Variants in HYCC2 observed in about 807,000 individuals in gnomAD.
The protein encoded by HYCC2 is hyccin 2.
At chr2:201,045,239 C>T in the HYCC2 span, among the ~76,000 whole-genome samples, 4 of 151,812 alleles carry the variant, frequency 2.6e-5, no homozygotes, top group African/African-American at 4.8e-5. Flanking sequence ...TAGATGTAGC[C>T]GGATAATGCA....
chr2:201,028,665 C>G, the HYCC2 span, among the ~76,000 whole-genome samples: 1 of 151,842 alleles, frequency 6.6e-6, no homozygotes, highest in Non-Finnish European at 1.5e-5. Context: ...CACCACACAT[C>G]TACAACCATC....
the HYCC2 span, among the ~76,000 whole-genome samples, chr2:201,032,960 A>C: frequency 6.6e-6 from 1 of 152,120 alleles, no homozygotes; most frequent in African/African-American, 2.4e-5. Context: ...GTTTAAATCA[A>C]GAAGTCTATG....
At chr2:201,044,591 G>A in the HYCC2 span, among the ~76,000 whole-genome samples, 6 of 152,160 alleles carry the variant, frequency 3.9e-5, no homozygotes, top group Non-Finnish European at 8.8e-5. Context: ...CTTATAAAAT[G>A]AGAATAATGC....
chr2:201,069,586 A>G, the HYCC2 span, among the ~76,000 whole-genome samples: 5 of 140,994 alleles, frequency 3.5e-5, no homozygotes, highest in African/African-American at 1.3e-4. Flanking sequence ...ACACACACAC[A>G]CACGCATAAA....
chr2:201,041,088 T>C, the HYCC2 span, among the ~76,000 whole-genome samples: 1 of 152,218 alleles, frequency 6.6e-6, no homozygotes, highest in East Asian at 1.9e-4. Flanking sequence ...ATAGTTTTTG[T>C]ATACTTAGAA....
chr2:200,986,327 T>G, the HYCC2 span, among the ~76,000 whole-genome samples: 1 of 152,256 alleles, frequency 6.6e-6, no homozygotes, highest in African/African-American at 2.4e-5. Flanking sequence ...GAGTTCCCTA[T>G]GGTGGAAATT....
chr2:201,022,956 A>G, the HYCC2 span: 1 of 1,459,908 alleles, frequency 6.8e-7, no homozygotes, highest in Non-Finnish European at 9.5e-7. Flanking sequence ...CCAAAGGAAA[A>G]CAAAAGTGAA....
chr2:200,988,023 A>C, the HYCC2 span, among the ~76,000 whole-genome samples: 1 of 152,218 alleles, frequency 6.6e-6, no homozygotes, highest in Non-Finnish European at 1.5e-5. Context: ...GTTCAAAAAA[A>C]GACAAAATTT....
the HYCC2 span, chr2:200,974,902 CTT>C: frequency 6.6e-6 from 1 of 151,898 alleles, no homozygotes; most frequent in African/African-American, 2.4e-5. Flanking sequence ...ATTTAACAAA[CTT>C]TACCAGTTTA....
chr2:200,993,015 C>T, the HYCC2 span: 20 of 1,476,624 alleles, frequency 1.4e-5, no homozygotes, highest in African/African-American at 1.5e-4. Flanking sequence ...TAGGAAAATA[C>T]ACTATTTAAC....
chr2:200,984,047 TA>T, the HYCC2 span, among the ~76,000 whole-genome samples: 4 of 152,192 alleles, frequency 2.6e-5, no homozygotes, highest in Middle Eastern at 3.4e-3. Context: ...TTATTTTTAT[TA>T]TTTTTTTTTG....
the HYCC2 span, among the ~76,000 whole-genome samples, chr2:201,054,291 T>C: frequency 1.3e-5 from 2 of 152,254 alleles, no homozygotes; most frequent in South Asian, 2.1e-4. Context: ...TCATTCCATA[T>C]GCCTTTCGCT....
At chr2:201,063,983 C>T in the HYCC2 span, 11 of 1,597,646 alleles carry the variant, frequency 6.9e-6, no homozygotes, top group Non-Finnish European at 8.5e-6. Flanking sequence ...CTTTGCAAAA[C>T]CACGAAACTA....
the HYCC2 span, chr2:200,981,756 AGAG>A: frequency 6.2e-7 from 1 of 1,614,154 alleles, no homozygotes; most frequent in East Asian, 2.2e-5. The surrounding 1 kb of genome is among the most constrained non-coding windows in gnomAD (Gnocchi z 4.5). Flanking sequence ...CCCTCTGAGA[AGAG>A]GAGGATGGTT....
At chr2:200,997,321 C>G in the HYCC2 span, 1 of 650,694 alleles carries the variant, frequency 1.5e-6, no homozygotes, top group Non-Finnish European at 2.7e-6. Context: ...TACAGGAATG[C>G]AAGCTCCATG....
At chr2:201,024,067 G>T in the HYCC2 span, 1 of 1,297,886 alleles carries the variant, frequency 7.7e-7, no homozygotes, top group East Asian at 2.3e-5. Context: ...TGAAGCTGAG[G>T]ACAGTAGTAC....
chr2:201,066,440 C>T, the HYCC2 span, among the ~76,000 whole-genome samples: 2 of 152,128 alleles, frequency 1.3e-5, no homozygotes, highest in Non-Finnish European at 2.9e-5. Context: ...ATACTCTCTC[C>T]CATCCCCACA....
At chr2:201,006,706 A>T in the HYCC2 span, among the ~76,000 whole-genome samples, 38 of 152,282 alleles carry the variant, frequency 2.5e-4, no homozygotes, top group African/African-American at 8.7e-4. Context: ...CTGGCACTCT[A>T]TGAATGTGCC....
At chr2:200,981,749 T>C in the HYCC2 span, 1 of 1,614,164 alleles carries the variant, frequency 6.2e-7, no homozygotes, top group South Asian at 1.1e-5. The surrounding 1 kb of genome is among the most constrained non-coding windows in gnomAD (Gnocchi z 4.5). Context: ...AAGCTTCCCC[T>C]CTGAGAAGAG....
Sources: gnomAD v4.1 joint callset for allele counts (sites outside exome capture counted in the v4.1 genomes callset) on GRCh38, gnomAD v4.1.1 for gene constraint, Gnocchi (gnomAD v3.1) non-coding constraint, MANE v1.5 for transcripts, NCBI Gene and HGNC (gene_info 2026-07-23, HGNC 2026-07-21) for gene names.